PAPOLG: variants seen among roughly 807,000 people sequenced by gnomAD.
PAPOLG encodes the protein PAP-gamma.
Under a neutral mutation model 99.0 loss-of-function variants are expected in PAPOLG, and 40 were observed. That is an observed-to-expected ratio of 0.40 (90% CI 0.31 to 0.53). The LOEUF is 0.53. PAPOLG is among the 20% of genes least tolerant of loss of function. The pLI, the probability that PAPOLG is intolerant of heterozygous loss-of-function variation, is 0.41. For synonymous variants in PAPOLG, 310 were observed against 299.3 expected (o/e 1.04, Z -0.37); for missense variants, 675 against 884.1 (o/e 0.76, Z 3.00).
At chr2:60,761,661 G>T in intron 2 of PAPOLG, 80 bp from the exon 3 acceptor site, 1 of 1,203,814 alleles carries the variant, frequency 8.3e-7, no homozygotes, top group Non-Finnish European at 1.2e-6. Context: ...CAACACAAAG[G>T]GTACTGCCTA....
chr2:60,773,034 C>T lies in PAPOLG; in HGVS notation c.604+1404C>T, dbSNP rs192660485. On this transcript the variant is annotated intron_variant, in intron 7 of 21. Coordinates refer to ENST00000238714, the MANE Select transcript of PAPOLG (RefSeq NM_022894.4). ...TCCGCCTCTGGGTTCAAGCGATTCT[C>T]CTGCCTCAGCCTCCTGAGTAGCTGA... 6.1e-3 allele frequency among the ~76,000 whole-genome samples: 922 copies of T among 152,284 alleles called. 5 individuals are homozygous for T. Among genetic ancestry groups the T allele is most frequent in the Non-Finnish European group, 8.0e-3 (542 of 68,028 alleles).
At chr2:60,789,877 G>A (rs1671477806) in intron 15 of PAPOLG, among the ~76,000 whole-genome samples, 1 of 152,152 alleles carries the variant, frequency 6.6e-6, no homozygotes, top group African/African-American at 2.4e-5. Context: ...ATTACCTGAG[G>A]TCTGGAGTTC....
intron 15 of PAPOLG, among the ~76,000 whole-genome samples, chr2:60,790,081 C>T (rs895637115): frequency 3.9e-5 from 6 of 152,024 alleles, no homozygotes; most frequent in Admixed American, 1.3e-4. Context: ...GCAACAAGAG[C>T]GAAACTCCAT....
In PAPOLG at chr2:60,768,386, G is replaced by C. The variant is rs948547803; in HGVS notation, c.247-84G>C. 24 of 1,395,620 alleles carry C rather than the reference G, an allele frequency of 1.7e-5. No individual in the cohort carries two copies. The Admixed American group carries it at 1.8e-4, about 11-fold the overall frequency. 86.5% of individuals were successfully genotyped at this position (1,395,620 alleles called of 1,614,324 possible). On this transcript the variant is annotated intron_variant, in intron 3 of 21. Coordinates refer to ENST00000238714, the MANE Select transcript of PAPOLG (RefSeq NM_022894.4). ...TATAGTGCTGGGATTACAAGTGTGA[G>C]CCACCATGCCCAGCCAACATTGAGG... is the stretch of plus-strand genomic sequence containing the variant.
intron 3 of PAPOLG, among the ~76,000 whole-genome samples, chr2:60,762,693 C>T (rs1248950577): frequency 6.6e-6 from 1 of 151,870 alleles, no homozygotes; most frequent in East Asian, 1.9e-4. Context: ...GTGGTGCAAT[C>T]TTGGCTCAGT....
Position 60,780,659 on chromosome 2 carries a change from T to C in PAPOLG, c.834-48T>C, listed in dbSNP as rs756874643. ...CTAATAATTATAAAGTTTCATGTAG[T>C]ACCTGAAGTGAGATCATGTGTAAGT... On this transcript the variant is annotated intron_variant, in intron 9 of 21. Transcript: ENST00000238714. 7 of 1,562,824 alleles carry C rather than the reference T, an allele frequency of 4.5e-6. No homozygotes were observed. The African/African-American group carries it at 9.5e-5, about 21-fold the overall frequency.
At position 60,794,100 on chromosome 2, in the gene PAPOLG, G is replaced by A. The variant is rs762769597; in HGVS notation, c.1898G>A (p.Gly633Glu). The change falls in exon 19 of 22, where the codon GGA (glycine) becomes GAA (glutamate). Residue 633 changes from glycine (G) to glutamate (E), a missense_variant. Physicochemically the swap from Gly to Glu is moderately conservative, Grantham distance 98. This residue lies in a region of PAPOLG where 413 missense variants were observed against 460.5 expected (regional missense o/e 0.90). Transcript: ENST00000238714. The part of the protein sequence containing the change: ...NPAQGQPHLN[G>E]MSNITKTVTP... ...GCCCAGGGACAACCGCATCTGAATG[G>A]AATGTCAAATATAACTAAGACTGTT... 3 of 1,614,092 alleles carry A rather than the reference G, an allele frequency of 1.9e-6. No homozygotes were observed. In the South Asian group the frequency reaches 3.3e-5, roughly 18 times the overall value.
chr2:60,787,666 T>TCTCAA (rs1558711168), intron 15 of PAPOLG, 46 bp downstream of exon 15: 3 of 1,595,974 alleles, frequency 1.9e-6, no homozygotes, highest in Non-Finnish European at 2.6e-6. Context: ...ACCTGGCTAT[T>TCTCAA]ACTCAGTGTC....
intron 17 of PAPOLG, among the ~76,000 whole-genome samples, chr2:60,792,494 A>G (rs775617551): frequency 6.6e-6 from 1 of 152,228 alleles, no homozygotes; most frequent in Non-Finnish European, 1.5e-5. Context: ...GGGACTAGAT[A>G]GGTACACAGA....
chr2:60,779,767 T>C lies in PAPOLG; in HGVS notation c.825T>C (p.Phe275=), dbSNP rs1426352957. Residue 275 remains phenylalanine (F), a synonymous_variant, in exon 9 of 22, where the codon TTT becomes TTC. Coordinates refer to ENST00000238714, the MANE Select transcript of PAPOLG (RefSeq NM_022894.4). ...STLVHKFFLV[F]SKWEWPNPVL... ...TAGTTCATAAGTTCTTTTTAGTTTT[T>C]TCCAAGTGGTAAGTATTTACGTGTG... 66 of 1,612,876 alleles carry C rather than the reference T, an allele frequency of 4.1e-5. No individual in the cohort carries two copies. Among genetic ancestry groups the C allele is most frequent in the Non-Finnish European group, 5.5e-5 (65 of 1,179,084 alleles).
chr2:60,793,478 T>G (rs1671604506), intron 17 of PAPOLG, 149 bp from the exon 18 acceptor site: 4 of 813,650 alleles, frequency 4.9e-6, no homozygotes, highest in Non-Finnish European at 7.6e-6. Flanking sequence ...GTGGCAAAGT[T>G]ACTTGAGTCC....
In PAPOLG at chr2:60,800,401, T is replaced by A. The variant is rs1188358782; in HGVS notation, c.*3241T>A. The A allele has an allele frequency of 6.6e-6, 1 of 152,306 alleles. No homozygotes were observed. Among genetic ancestry groups the A allele is most frequent in the African/African-American group, 2.4e-5 (1 of 41,452 alleles). 9.4% of individuals were successfully genotyped at this position (152,306 alleles called of 1,614,324 possible). A position where few individuals can be genotyped will look rare whatever the true frequency, so the allele number is the denominator to read the frequency against. On this transcript the variant is annotated 3_prime_UTR_variant, in exon 22 of 22. Transcript: ENST00000238714. ...TTTCACCATGTTGGCCAGGGTGGTC[T>A]TGAACTCCTCACCTCAAGTGATCTG...
rs1671778343 is a variant in PAPOLG, at chr2:60,798,481, T to C, written c.*1321T>C. On this transcript the variant is annotated 3_prime_UTR_variant, in exon 22 of 22. Transcript: ENST00000238714. ...CGTTTAAAACCTTTATTGTCTCTCC[T>C]TAGTCTAATTTTTTAAATATGGATT... 1.3e-5 allele frequency: 2 copies of C among 152,778 alleles called. No individual in the cohort carries two copies. Among genetic ancestry groups the C allele is most frequent in the Admixed American group, 1.3e-4 (2 of 15,282 alleles). 9.5% of individuals were successfully genotyped at this position (152,778 alleles called of 1,614,324 possible).
At chr2:60,760,025 G>C in intron 1 of PAPOLG, 109 bp from the exon 2 acceptor site, 2 of 1,138,036 alleles carry the variant, frequency 1.8e-6, no homozygotes, top group Non-Finnish European at 2.5e-6. Flanking sequence ...TTATTACTAA[G>C]TAAACTTTTA....
rs74492547 is a variant in PAPOLG at position 60,782,678 on chromosome 2, T to A, written c.1028-8T>A. The A allele has an allele frequency of 0.022, 28,684 of 1,333,136 alleles. 129 individuals are homozygous for A. The highest frequency in any genetic ancestry group is 0.041 in the Middle Eastern group (161 of 3,948). The allele number at this position is 1,333,136 out of a possible 1,614,324, so 82.6% of individuals were successfully genotyped here. On this transcript the variant is annotated splice_polypyrimidine_tract_variant and splice_region_variant and intron_variant, in intron 11 of 21. Transcript: ENST00000238714. ...CTTTTTTTTTTTTTTTTTTTTTTTT[T>A]AATTTAGGTCTTGCAGTCACAGATG...
In PAPOLG at chr2:60,798,668, T is replaced by C. The variant is rs1433588675; in HGVS notation, c.*1508T>C. ...TGTGGGGAAGACACCTCGTGTATTA[T>C]AGGACTCACGGGATGCCATCTAGCA... On this transcript the variant is annotated 3_prime_UTR_variant, in exon 22 of 22. Transcript: ENST00000238714. 6.6e-6 allele frequency: 1 copy of C among 152,338 alleles called. No individual in the cohort carries two copies. Among genetic ancestry groups the C allele is most frequent in the Admixed American group, 6.5e-5 (1 of 15,280 alleles). 9.4% of individuals were successfully genotyped at this position (152,338 alleles called of 1,614,324 possible).
At chr2:60,762,164 G>A (rs975116089) in intron 3 of PAPOLG, among the ~76,000 whole-genome samples, 1 of 152,052 alleles carries the variant, frequency 6.6e-6, no homozygotes, top group Non-Finnish European at 1.5e-5. Flanking sequence ...AAGGGGATTG[G>A]GCTCCTGTCT....
chr2:60,769,784 A>G lies in PAPOLG; in HGVS notation c.439-674A>G, dbSNP rs114230824. Among the ~76,000 whole-genome samples, 1,304 of 152,018 alleles carry G rather than the reference A, an allele frequency of 8.6e-3. 21 individuals carry two copies. The highest frequency in any genetic ancestry group is 0.03 in the African/African-American group (1,256 of 41,450). ...TTTTTAATTTTACTTTAAGTTCTGG[A>G]ATACCATGTGCAGAACGTGCAGGTT... On this transcript the variant is annotated intron_variant, in intron 5 of 21. Coordinates refer to ENST00000238714, the MANE Select transcript of PAPOLG (RefSeq NM_022894.4).
chr2:60,789,136 A>G (rs1032768735), intron 15 of PAPOLG, among the ~76,000 whole-genome samples: 3 of 149,986 alleles, frequency 2.0e-5, no homozygotes, highest in Middle Eastern at 3.2e-3. Context: ...ATGAGAATAC[A>G]TGGACACAGG....
Sources: gnomAD v4.1 joint callset for allele counts (sites outside exome capture counted in the v4.1 genomes callset) on GRCh38, gnomAD v4.1.1 for gene constraint, gnomAD v4.1.1 regional missense constraint, MANE v1.5 for transcripts, NCBI Gene and HGNC (gene_info 2026-07-23, HGNC 2026-07-21) for gene names.